Variants in SPOPL observed in about 807,000 individuals in gnomAD.
SPOPL encodes speckle type BTB/POZ protein like, also known as speckle-type POZ protein-like.
A neutral mutation model predicts 53.8 loss-of-function variants in SPOPL; 23 were observed. The ratio of observed to expected loss-of-function variants is 0.43; its 90% CI spans 0.31 to 0.61. SPOPL has a LOEUF of 0.61. SPOPL is among the 20% of genes least tolerant of loss of function. The probability of loss-of-function intolerance (pLI) is 0.12; values close to 1 mark genes in which losing one functional copy is unlikely to be tolerated. For missense variants in SPOPL, 442 were observed against 466.9 expected (o/e 0.95, Z 0.49); for synonymous variants, 164 against 149.7 (o/e 1.10, Z -0.70).
chr2:138,558,173 T>A (rs1263197817), intron 5 of SPOPL, among the ~76,000 whole-genome samples: 1 of 152,018 alleles, frequency 6.6e-6, no homozygotes, highest in South Asian at 2.1e-4. Flanking sequence ...AAATAAAAAA[T>A]AAATAAATAA....
At chr2:138,558,187 T>C (rs951075829) in intron 5 of SPOPL, among the ~76,000 whole-genome samples, 4 of 152,114 alleles carry the variant, frequency 2.6e-5, no homozygotes, top group African/African-American at 9.7e-5. Context: ...TAAATAAATT[T>C]TTTTAAAAAG....
Position 138,505,440 on chromosome 2 carries a change from CTGTT to C in SPOPL, c.-61+3324_-61+3327del, listed in dbSNP as rs533239993. On this transcript the variant is annotated intron_variant, in intron 1 of 10. Transcript: ENST00000280098. ...TACTTGTATTCATGGAGGCAGAAGT[CTGTT>C]TGGGGAATAAAATAAAGAAAAAAAA... Among the ~76,000 whole-genome samples, 679 of 151,620 alleles carry C rather than the reference CTGTT, an allele frequency of 4.5e-3. 8 individuals carry two copies. The highest frequency in any genetic ancestry group is 0.015 in the African/African-American group (621 of 41,344).
chr2:138,533,858 T>C (rs1483079292), intron 1 of SPOPL, among the ~76,000 whole-genome samples: 2 of 152,160 alleles, frequency 1.3e-5, no homozygotes, highest in Non-Finnish European at 2.9e-5. Context: ...AAAAATACTG[T>C]ATGTATAATT....
intron 1 of SPOPL, among the ~76,000 whole-genome samples, chr2:138,517,415 A>G (rs1318189558): frequency 6.6e-6 from 1 of 152,188 alleles, no homozygotes; most frequent in East Asian, 1.9e-4. Context: ...TTTTGGGGCA[A>G]GATGGGTAAA....
At chr2:138,525,142 G>T (rs548512952) in intron 1 of SPOPL, among the ~76,000 whole-genome samples, 1 of 152,194 alleles carries the variant, frequency 6.6e-6, no homozygotes, top group South Asian at 2.1e-4. Context: ...ACAGTTCCAC[G>T]TGGCTGGGGA....
intron 1 of SPOPL, among the ~76,000 whole-genome samples, chr2:138,513,291 C>T (rs1481674686): frequency 2.0e-5 from 3 of 152,186 alleles, no homozygotes; most frequent in East Asian, 1.9e-4. Flanking sequence ...TAGTGGCCCA[C>T]GCCGGTAATC....
intron 1 of SPOPL, among the ~76,000 whole-genome samples, chr2:138,507,189 C>T (rs561136511): frequency 1.7e-4 from 26 of 152,292 alleles, no homozygotes; most frequent in African/African-American, 5.5e-4. Context: ...GCCGAAGTTA[C>T]AATCCTAAAT....
chr2:138,561,535 C>T (rs1255925540), intron 8 of SPOPL, among the ~76,000 whole-genome samples: 1 of 151,820 alleles, frequency 6.6e-6, no homozygotes, highest in African/African-American at 2.4e-5. Context: ...GTGTATGTGT[C>T]GATGGATGGT....
chr2:138,542,832 G>A lies in SPOPL; in HGVS notation c.-60-7325G>A, dbSNP rs554870502. Reference sequence around the variant, plus strand: ...GTTGATGCAGTTTCTTCCTAGCCTCGATGGTCTTTACAGTTTGGCATGTTT... The same window carrying A: ...GTTGATGCAGTTTCTTCCTAGCCTCAATGGTCTTTACAGTTTGGCATGTTT... On this transcript the variant is annotated intron_variant, in intron 1 of 10. Coordinates refer to ENST00000280098, the MANE Select transcript of SPOPL (RefSeq NM_001001664.3). Among the ~76,000 whole-genome samples the A allele has an allele frequency of 7.7e-4, 117 of 152,226 alleles. 2 individuals carry two copies. The highest frequency in any genetic ancestry group is 2.8e-3 in the African/African-American group (115 of 41,528).
intron 4 of SPOPL, 71 bp downstream of exon 4, chr2:138,551,125 C>T: frequency 2.0e-6 from 3 of 1,536,016 alleles, no homozygotes; most frequent in Non-Finnish European, 1.8e-6. Flanking sequence ...TGCACCTTTA[C>T]CTAGAAAAGT....
rs372356389 is a variant in SPOPL, at chr2:138,559,885, A to G, written c.714+548A>G. 3.3e-5 allele frequency among the ~76,000 whole-genome samples: 5 copies of G among 152,142 alleles called. No homozygotes were observed. The East Asian group carries it at 9.6e-4, about 29-fold the overall frequency. On this transcript the variant is annotated intron_variant, in intron 7 of 10. Transcript: ENST00000280098. The stretch of plus-strand genomic sequence containing the variant: ...TTGTGAACCGTAGGGCTCCAGCTGG[A>G]CAACTCCAGAGTTTTTTCATGTGGC...
chr2:138,568,266 ATGAT>A (rs1204914833), intron 10 of SPOPL, among the ~76,000 whole-genome samples: 1 of 152,142 alleles, frequency 6.6e-6, no homozygotes, highest in Non-Finnish European at 1.5e-5. Context: ...TAAGGTTTTG[ATGAT>A]TGGAGAGGAG....
intron 8 of SPOPL, among the ~76,000 whole-genome samples, chr2:138,563,810 C>T (rs1685602384): frequency 6.6e-6 from 1 of 152,206 alleles, no homozygotes; most frequent in Admixed American, 6.5e-5. Flanking sequence ...CCCATACAGA[C>T]ACTTGTATAT....
At chr2:138,551,958 C>T (rs1685322801) in intron 4 of SPOPL, among the ~76,000 whole-genome samples, 1 of 151,834 alleles carries the variant, frequency 6.6e-6, no homozygotes, top group African/African-American at 2.4e-5. Context: ...ATCTTTTGGA[C>T]TTTTATGAAA....
chr2:138,533,505 T>C (rs936012220), intron 1 of SPOPL, among the ~76,000 whole-genome samples: 1 of 152,152 alleles, frequency 6.6e-6, no homozygotes, highest in Non-Finnish European at 1.5e-5. Context: ...TTAGAGTGCA[T>C]GATATATCTA....
intron 1 of SPOPL, among the ~76,000 whole-genome samples, chr2:138,504,280 A>C (rs1684167477): frequency 6.6e-6 from 1 of 152,208 alleles, no homozygotes; most frequent in South Asian, 2.1e-4. Context: ...TCCCTGACCT[A>C]GAATAACCTT....
At chr2:138,555,325 A>G (rs964972880) in intron 5 of SPOPL, among the ~76,000 whole-genome samples, 4 of 152,312 alleles carry the variant, frequency 2.6e-5, no homozygotes, top group Non-Finnish European at 5.9e-5. Context: ...TCTTTGTGAA[A>G]TACATTCAAA....
intron 1 of SPOPL, among the ~76,000 whole-genome samples, chr2:138,528,716 G>A (rs563725134): frequency 2.0e-3 from 311 of 152,148 alleles, no homozygotes; most frequent in Admixed American, 3.5e-3. Flanking sequence ...TTTTGTTCTG[G>A]GTTATTAAAA....
At chr2:138,538,742 C>CTTTTTTTTTTTT (rs796610504) in intron 1 of SPOPL, among the ~76,000 whole-genome samples, 1 of 144,490 alleles carries the variant, frequency 6.9e-6, no homozygotes. Context: ...TAGCTGTTTT[C>CTTTTTTTTTTTT]TTTTTTTTTT....
Sources: gnomAD v4.1 joint callset for allele counts (sites outside exome capture counted in the v4.1 genomes callset) on GRCh38, gnomAD v4.1.1 for gene constraint, MANE v1.5 for transcripts, NCBI Gene and HGNC (gene_info 2026-07-23, HGNC 2026-07-21) for gene names.